Variants in PIAS1 observed in about 807,000 individuals in gnomAD.
PIAS1 encodes protein inhibitor of activated STAT 1.
Under a neutral mutation model 71.3 loss-of-function variants are expected in PIAS1, and 6 were observed. The observed-to-expected ratio is 0.08, with a 90% CI of 0.05 to 0.17. The LOEUF (loss-of-function observed/expected upper bound fraction) is 0.17, where lower values mean the gene tolerates loss of function less well. Among genes scored for constraint, PIAS1 ranks in the 10% least tolerant of loss-of-function variants. The pLI is 1.00. For missense variants in PIAS1, 555 were observed against 793.6 expected, an observed-to-expected ratio of 0.70 and a Z score of 3.61; for synonymous variants, 303 against 292.9, an observed-to-expected ratio of 1.03 and a Z score of -0.35.
chr15:68,100,046 G>C (rs746306702), intron 2 of PIAS1, among the ~76,000 whole-genome samples: 46 of 150,152 alleles, frequency 3.1e-4, no homozygotes, highest in Non-Finnish European at 5.2e-4. Flanking sequence ...GTTTTAGTCA[G>C]AGATGTAGTT....
chr15:68,066,445 T>C (rs926277767), intron 1 of PIAS1, among the ~76,000 whole-genome samples: 1 of 152,200 alleles, frequency 6.6e-6, no homozygotes, highest in South Asian at 2.1e-4. Context: ...AAGAATCATA[T>C]GAATAAATGA....
At chr15:68,123,048 A>C (rs748142855) in intron 2 of PIAS1, among the ~76,000 whole-genome samples, 1 of 148,450 alleles carries the variant, frequency 6.7e-6, no homozygotes, top group Non-Finnish European at 1.5e-5. Context: ...AATTCTTTTT[A>C]TTTTTTTCTT....
intron 2 of PIAS1, chr15:68,088,020 C>T (rs775404506): frequency 6.0e-5 from 14 of 232,920 alleles, no homozygotes; most frequent in Admixed American, 2.4e-4. Flanking sequence ...AAGTTCCTTC[C>T]TTGTTAGCTG....
At chr15:68,176,428 T>A (rs772687779) in intron 10 of PIAS1, 46 bp from the exon 11 acceptor site, 21 of 1,271,076 alleles carry the variant, frequency 1.7e-5, no homozygotes, top group Admixed American at 1.2e-4. Context: ...AAAAGAGAGA[T>A]GTCATAGCTC....
intron 2 of PIAS1, among the ~76,000 whole-genome samples, chr15:68,098,151 A>G (rs2092392497): frequency 6.6e-6 from 1 of 152,226 alleles, no homozygotes; most frequent in African/African-American, 2.4e-5. Context: ...ACAGTCAAAA[A>G]TTCACATGTA....
At chr15:68,068,185 C>T (rs1012819919) in intron 1 of PIAS1, among the ~76,000 whole-genome samples, 9 of 151,906 alleles carry the variant, frequency 5.9e-5, no homozygotes, top group Admixed American at 1.3e-4. Context: ...CCAGCCTGGG[C>T]GATATGACAA....
Position 68,193,419 on chromosome 15 carries a change from CTGTTGAGATGGAAATGAGAATT to C in PIAS1, c.*5588_*5609del, listed in dbSNP as rs1416175574. ...AATAGCCTGAGCTATGTCACTATAT[CTGTTGAGATGGAAATGAGAATT>C]TGTAAATGGGCCTCTGGCACTGCAA... On this transcript the variant is annotated 3_prime_UTR_variant, in exon 14 of 14. Coordinates refer to ENST00000249636, the MANE Select transcript of PIAS1 (RefSeq NM_016166.3). 1 of 152,772 alleles carries C rather than the reference CTGTTGAGATGGAAATGAGAATT, an allele frequency of 6.5e-6. No individual in the cohort carries two copies. The highest frequency in any genetic ancestry group is 2.4e-5 in the African/African-American group (1 of 41,472). The allele number at this position is 152,772 out of a possible 1,614,324, so 9.5% of individuals were successfully genotyped here. A position where few individuals can be genotyped will look rare whatever the true frequency, so the allele number is the denominator to read the frequency against.
At chr15:68,103,948 A>G (rs2092449333) in intron 2 of PIAS1, among the ~76,000 whole-genome samples, 1 of 152,162 alleles carries the variant, frequency 6.6e-6, no homozygotes, top group Non-Finnish European at 1.5e-5. Context: ...CTTTTGGTTA[A>G]ATACCTAGAA....
chr15:68,088,061 A>G (rs2092298729), intron 2 of PIAS1, among the ~76,000 whole-genome samples: 1 of 151,040 alleles, frequency 6.6e-6, no homozygotes, highest in African/African-American at 2.4e-5. Flanking sequence ...AGTATAAGCA[A>G]ATTGTTTCTT....
intron 1 of PIAS1, among the ~76,000 whole-genome samples, chr15:68,085,442 C>T (rs758319410): frequency 1.3e-5 from 2 of 152,196 alleles, no homozygotes; most frequent in Admixed American, 1.3e-4. Context: ...AAATAGATTA[C>T]TGCAGCCTCA....
In PIAS1 at chr15:68,119,237, CAAAAAAA is replaced by C. The variant is rs60879036; in HGVS notation, c.470-22688_470-22682del. On this transcript the variant is annotated intron_variant, in intron 2 of 13. Transcript: ENST00000249636. The stretch of plus-strand genomic sequence containing the variant: ...CAACATGGTGAAACCCCATCTCTAC[CAAAAAAA>C]AAAAAAAAAAAAAAAAAAAAGTATA... 1.6e-3 allele frequency among the ~76,000 whole-genome samples: 44 copies of C among 27,404 alleles called. 1 individual carries two copies. Among genetic ancestry groups the C allele is most frequent in the Middle Eastern group, 0.12 (2 of 16 alleles). The allele number at this position is 27,404 out of a possible 152,430, so 18.0% of individuals were successfully genotyped here.
intron 2 of PIAS1, among the ~76,000 whole-genome samples, chr15:68,098,328 G>A (rs1219905481): frequency 1.3e-5 from 2 of 152,080 alleles, no homozygotes; most frequent in African/African-American, 4.8e-5. Context: ...AAATCATAAG[G>A]AAAGAAAATA....
At position 68,187,614 on chromosome 15, in the gene PIAS1, C is replaced by T. The variant is rs986381593; in HGVS notation, c.1735C>T (p.Arg579Trp). 6.2e-7 allele frequency: 1 copy of T among 1,613,854 alleles called. No homozygotes were observed. The highest frequency in any genetic ancestry group is 1.3e-5 in the African/African-American group (1 of 74,916). Reference protein sequence around the residue: ...SDDQDLLHSSRFFPYTSSQMF... With the variant: ...SDDQDLLHSSWFFPYTSSQMF... ...TGATCAAGACCTCCTACACTCGTCT[C>T]GGTTTTTCCCGTATACCTCCTCACA... is the stretch of plus-strand genomic sequence containing the variant. The change falls in exon 14 of 14, where the codon CGG becomes TGG. Residue 579 changes from arginine to tryptophan, a missense_variant. Transcript: ENST00000249636. The surrounding 1 kb of genome is among the most constrained non-coding windows in gnomAD (Gnocchi z 5.3).
intron 2 of PIAS1, among the ~76,000 whole-genome samples, chr15:68,100,981 AACCTC>A (rs1265989700): frequency 2.0e-5 from 3 of 151,526 alleles, no homozygotes; most frequent in Non-Finnish European, 4.4e-5. Flanking sequence ...CTGCAGCCTC[AACCTC>A]CCTGGCTCAG....
intron 2 of PIAS1, among the ~76,000 whole-genome samples, chr15:68,091,768 A>T (rs1347467569): frequency 6.6e-6 from 1 of 152,210 alleles, no homozygotes; most frequent in Non-Finnish European, 1.5e-5. Flanking sequence ...ACATTAGCTG[A>T]CATAACATCT....
chr15:68,095,872 C>T (rs952915854), intron 2 of PIAS1, among the ~76,000 whole-genome samples: 8 of 152,130 alleles, frequency 5.3e-5, no homozygotes, highest in Non-Finnish European at 1.2e-4. Flanking sequence ...CAGCAGACCC[C>T]AATAGCTCTG....
Position 68,178,481 on chromosome 15 carries a change from T to C in PIAS1, c.1481+1827T>C, listed in dbSNP as rs909422986. ...CTATAACCCAGCAAGCCTGACCTTGTTATTACACCAATGTATTTTATGTCT... is the reference window on the plus strand; with the variant it reads ...CTATAACCCAGCAAGCCTGACCTTGCTATTACACCAATGTATTTTATGTCT... On this transcript the variant is annotated intron_variant, in intron 11 of 13. Transcript: ENST00000249636. This position sits in a 1 kb window ranked among gnomAD's most constrained non-coding sequence, Gnocchi z 4.2. Among the ~76,000 whole-genome samples the C allele has an allele frequency of 1.3e-5, 2 of 152,210 alleles. No individual in the cohort carries two copies. Among genetic ancestry groups the C allele is most frequent in the African/African-American group, 4.8e-5 (2 of 41,460 alleles).
intron 2 of PIAS1, among the ~76,000 whole-genome samples, chr15:68,140,090 A>G (rs1157790366): frequency 6.6e-6 from 1 of 152,220 alleles, no homozygotes; most frequent in African/African-American, 2.4e-5. Flanking sequence ...GAGCATTACA[A>G]TGTATATATA....
At position 68,086,686 on chromosome 15, in the gene PIAS1, T is replaced by C. The variant is rs1442546915; in HGVS notation, c.405T>C (p.Asp135=). 6.2e-7 allele frequency: 1 copy of C among 1,613,570 alleles called. No individual in the cohort carries two copies. Among genetic ancestry groups the C allele is most frequent in the Non-Finnish European group, 8.5e-7 (1 of 1,179,510 alleles). The part of the protein sequence containing the change: ...LTSALHPVHP[D]IKLQKLPFYD... ...CAGCTCTTCACCCAGTCCATCCGGA[T>C]ATAAAACTTCAAAAATTACCATTTT... Residue 135 remains aspartate, a synonymous_variant, in exon 2 of 14, where the codon GAT becomes GAC. Transcript: ENST00000249636. This position sits in a 1 kb window ranked among gnomAD's most constrained non-coding sequence, Gnocchi z 7.2.
Sources: allele counts gnomAD v4.1 joint callset (sites outside exome capture counted in the v4.1 genomes callset), GRCh38; gene constraint gnomAD v4.1.1; non-coding constraint Gnocchi (gnomAD v3.1); transcripts MANE v1.5; gene names NCBI Gene and HGNC (gene_info 2026-07-23, HGNC 2026-07-21).